The following C1QTNF3 variants were observed in gnomAD, a reference collection of about 807,000 sequenced individuals.
C1QTNF3 encodes the protein complement C1q tumor necrosis factor-related protein 3.
In C1QTNF3, 26 loss-of-function variants were observed where a neutral mutation model predicts 32.6. The ratio of observed to expected loss-of-function variants is 0.80; its 90% CI spans 0.58 to 1.11. The LOEUF is 1.11. Among genes scored for constraint, C1QTNF3 ranks in the 50% least tolerant of loss-of-function variants. The pLI is 0.00. For synonymous variants in C1QTNF3, 155 were observed against 146.0 expected (o/e 1.06, Z -0.44); for missense variants, 362 against 398.2 (o/e 0.91, Z 0.77).
At chr5:34,132,495 G>T in the C1QTNF3 span, among the ~76,000 whole-genome samples, 1 of 146,402 alleles carries the variant, frequency 6.8e-6, no homozygotes, top group African/African-American at 2.6e-5. Context: ...AATTTAACAG[G>T]TGCAAACGTT....
chr5:34,227,318 T>C, the C1QTNF3 span, among the ~76,000 whole-genome samples: 21 of 151,652 alleles, frequency 1.4e-4, no homozygotes, highest in African/African-American at 5.1e-4. Context: ...GATTTACTTT[T>C]GTATATTTTT....
the C1QTNF3 span, among the ~76,000 whole-genome samples, chr5:34,213,784 T>TACATATATATAC: frequency 1.7e-3 from 21 of 12,530 alleles, no homozygotes; most frequent in Non-Finnish European, 2.5e-3. Context: ...CGTGTATATA[T>TACATATATATAC]ACATATATAT....
chr5:34,227,589 T>A, the C1QTNF3 span, among the ~76,000 whole-genome samples: 1 of 151,850 alleles, frequency 6.6e-6, no homozygotes, highest in African/African-American at 2.4e-5. Context: ...TAGGAAAAAA[T>A]CTACATATGA....
chr5:34,179,960 C>T, the C1QTNF3 span, among the ~76,000 whole-genome samples: 1 of 152,410 alleles, frequency 6.6e-6, no homozygotes, highest in African/African-American at 2.4e-5. Context: ...AGGTGGCTCA[C>T]GCCTAGAACC....
chr5:34,121,644 C>G, the C1QTNF3 span, among the ~76,000 whole-genome samples: 1 of 152,140 alleles, frequency 6.6e-6, no homozygotes, highest in Non-Finnish European at 1.5e-5. Flanking sequence ...GAACTCAGAG[C>G]CAAACCATGT....
chr5:34,221,882 C>T, the C1QTNF3 span, among the ~76,000 whole-genome samples: 1 of 151,950 alleles, frequency 6.6e-6, no homozygotes, highest in Non-Finnish European at 1.5e-5. Context: ...CACCAAGCAG[C>T]CGGTCATTTT....
At chr5:34,222,518 C>CATTTT in the C1QTNF3 span, among the ~76,000 whole-genome samples, 1 of 151,714 alleles carries the variant, frequency 6.6e-6, no homozygotes, top group Non-Finnish European at 1.5e-5. Context: ...CTGCACTGAT[C>CATTTT]ATTTTATGTC....
At chr5:34,147,004 C>T in the C1QTNF3 span, among the ~76,000 whole-genome samples, 2 of 152,036 alleles carry the variant, frequency 1.3e-5, no homozygotes, top group Non-Finnish European at 1.5e-5. Context: ...AGGCAATAGA[C>T]GTTAACAGAT....
intron 1 of C1QTNF3, among the ~76,000 whole-genome samples, chr5:34,042,532 A>C (rs1042518546): frequency 6.6e-6 from 1 of 152,154 alleles, no homozygotes; most frequent in Non-Finnish European, 1.5e-5. Context: ...GAAGGAAATC[A>C]AGTCCCAGCA....
chr5:34,075,875 T>G, the C1QTNF3 span, among the ~76,000 whole-genome samples: 1 of 98,870 alleles, frequency 1.0e-5, no homozygotes, highest in Non-Finnish European at 2.3e-5. Flanking sequence ...TAAACAATTA[T>G]GGTGTGTGTG....
the C1QTNF3 span, among the ~76,000 whole-genome samples, chr5:34,078,390 T>C: frequency 7.0e-6 from 1 of 142,026 alleles, no homozygotes; most frequent in African/African-American, 2.9e-5. This position sits in a 1 kb window ranked among gnomAD's most constrained non-coding sequence, Gnocchi z 4.0. Context: ...CAGTTCCACA[T>C]GTCTTGGGAG....
At chr5:34,129,895 C>T in the C1QTNF3 span, among the ~76,000 whole-genome samples, 1 of 151,964 alleles carries the variant, frequency 6.6e-6, no homozygotes. Context: ...TCCATAATGT[C>T]TTGTTTTCAT....
chr5:34,052,316 C>G, the C1QTNF3 span, among the ~76,000 whole-genome samples: 94 of 152,276 alleles, frequency 6.2e-4, 1 homozygote, highest in African/African-American at 2.2e-3. Context: ...GCAGTACTTT[C>G]CAAATTAAAA....
Position 34,033,368 on chromosome 5 carries a change from C to T in C1QTNF3, c.506G>A (p.Gly169Glu). The T allele has an allele frequency of 6.2e-7, 1 of 1,613,910 alleles. No individual in the cohort carries two copies. Among genetic ancestry groups the T allele is most frequent in the Non-Finnish European group, 8.5e-7 (1 of 1,179,950 alleles). Residue 169 changes from glycine to glutamate, a missense_variant, in exon 3 of 6, where the codon GGG (glycine) becomes GAG (glutamate). By Grantham distance (98) the Gly-to-Glu change is moderately conservative. Transcript: ENST00000382065. ...KGDKGDLGPR[G>E]ERGQHGPKGE... ...TTTGGGGCCATGCTGCCCCCGCTCC[C>T]CTCGAGGCCCCAGGTCACCTTTGTC...
At position 34,023,904 on chromosome 5, in the gene C1QTNF3, C is replaced by T. The variant is rs1477214537; in HGVS notation, c.800+5G>A. The T allele has an allele frequency of 6.2e-7, 1 of 1,612,476 alleles. No individual in the cohort carries two copies. The highest frequency in any genetic ancestry group is 8.5e-7 in the Non-Finnish European group (1 of 1,178,654). On this transcript the variant is annotated splice_donor_5th_base_variant and intron_variant, in intron 5 of 5. Transcript: ENST00000382065. ...ATGAGACCCATGACAGAAAAGACCA[C>T]CCACCTGTACATGCTGAAGACTGTG... is the stretch of plus-strand genomic sequence containing the variant.
At chr5:34,233,530 A>G in the C1QTNF3 span, among the ~76,000 whole-genome samples, 1 of 151,326 alleles carries the variant, frequency 6.6e-6, no homozygotes, top group African/African-American at 2.4e-5. Context: ...TTTTGAAATC[A>G]TATCACCTTA....
chr5:34,193,606 G>GT, the C1QTNF3 span: 1,021 of 657,832 alleles, frequency 1.6e-3, 4 homozygotes, highest in East Asian at 0.011. Context: ...ATTTTTGTTG[G>GT]TTTTTTCTCT....
At chr5:34,027,222 A>G (rs973290469) in intron 4 of C1QTNF3, among the ~76,000 whole-genome samples, 1 of 152,248 alleles carries the variant, frequency 6.6e-6, no homozygotes. Flanking sequence ...GAAACTTGAA[A>G]GCACATTTTG....
At chr5:34,072,492 G>T in the C1QTNF3 span, among the ~76,000 whole-genome samples, 4 of 152,260 alleles carry the variant, frequency 2.6e-5, no homozygotes, top group African/African-American at 9.6e-5. Context: ...GAATACAGAG[G>T]TTTCCAGTGG....
Sources: gnomAD v4.1 joint callset for allele counts (sites outside exome capture counted in the v4.1 genomes callset) on GRCh38, gnomAD v4.1.1 for gene constraint, Gnocchi (gnomAD v3.1) non-coding constraint, MANE v1.5 for transcripts, NCBI Gene and HGNC (gene_info 2026-07-23, HGNC 2026-07-21) for gene names.